ABTB1: variants seen among roughly 807,000 people sequenced by gnomAD.
The protein encoded by ABTB1 is ankyrin repeat and BTB domain containing 1, also known as ankyrin repeat and BTB/POZ domain-containing protein 1.
Under a neutral mutation model 57.1 loss-of-function variants are expected in ABTB1, and 45 were observed. That is an observed-to-expected ratio of 0.79 (90% CI 0.62 to 1.01). The LOEUF is 1.01. ABTB1 is among the 50% of genes least tolerant of loss of function. ABTB1 has a pLI of 0.00. For missense variants in ABTB1, 630 were observed against 666.3 expected (o/e 0.95, Z 0.60); for synonymous variants, 302 against 275.4 (o/e 1.10, Z -0.95).
chr3:127,677,293 G>A lies in ABTB1; in HGVS notation c.762+7G>A, dbSNP rs760598057. The A allele has an allele frequency of 6.3e-7, 1 of 1,589,032 alleles. No individual in the cohort carries two copies. The highest frequency in any genetic ancestry group is 8.6e-7 in the Non-Finnish European group (1 of 1,168,272). ...CCTGCCCCCCGAGCTCCGAGTAAGT[G>A]CGGGGCTGGTGGGCAGGAAGGGCGT... On this transcript the variant is annotated splice_region_variant and intron_variant, in intron 8 of 11. Transcript: ENST00000232744.
At position 127,673,069 on chromosome 3, in the gene ABTB1, T is replaced by C; in HGVS notation, c.44T>C (p.Val15Ala). Residue 15 changes from valine (V) to alanine (A), a missense_variant, in exon 1 of 12, where the codon GTG becomes GCG. Val to Ala is a moderately conservative substitution (Grantham distance 64). Coordinates refer to ENST00000232744, the MANE Select transcript of ABTB1 (RefSeq NM_172027.3). ...TTCGCCAGCTGCAGGAAGGGGGATG[T>C]GGGCCGAGTGCGGTGAGGACCTCGC... is the stretch of plus-strand genomic sequence containing the variant. ...DLFASCRKGD[V>A]GRVRYLLEQR... is the part of the protein sequence containing the mutation. The C allele has an allele frequency of 6.4e-7, 1 of 1,573,584 alleles. No individual in the cohort carries two copies. The highest frequency in any genetic ancestry group is 8.6e-7 in the Non-Finnish European group (1 of 1,159,988).
In ABTB1 at chr3:127,677,102, G is replaced by A; in HGVS notation, c.643+19G>A. The A allele has an allele frequency of 6.2e-7, 1 of 1,613,828 alleles. No individual in the cohort carries two copies. Among genetic ancestry groups the A allele is most frequent in the Non-Finnish European group, 8.5e-7 (1 of 1,179,858 alleles). On this transcript the variant is annotated intron_variant, in intron 7 of 11. Coordinates refer to ENST00000232744, the MANE Select transcript of ABTB1 (RefSeq NM_172027.3). ...GAGTTTGGTGCGAGCAGGGTTTGGG[G>A]CCCGGGGCCATGGGTGCGGCCTGGC...
rs1294015808 is a variant in ABTB1 at position 127,680,824 on chromosome 3, C to T, written c.*349C>T. 3.1e-6 allele frequency: 2 copies of T among 640,420 alleles called. No individual in the cohort carries two copies. The highest frequency in any genetic ancestry group is 5.6e-6 in the Non-Finnish European group (2 of 360,350). The allele number at this position is 640,420 out of a possible 1,614,324, so 39.7% of individuals were successfully genotyped here. ...CCAGTCCTCTGGCCCTTGCCTAGCC[C>T]TGAATTGCTTCTCTAAGCTGGTGTT... On this transcript the variant is annotated 3_prime_UTR_variant, in exon 12 of 12. Coordinates refer to ENST00000232744, the MANE Select transcript of ABTB1 (RefSeq NM_172027.3).
Position 127,677,821 on chromosome 3 carries a change from A to G in ABTB1, c.1007A>G (p.Tyr336Cys), listed in dbSNP as rs2075024406. Residue 336 changes from tyrosine (Y) to cysteine (C), a missense_variant, in exon 10 of 12, where the codon TAC (tyrosine) becomes TGC (cysteine). Coordinates refer to ENST00000232744, the MANE Select transcript of ABTB1 (RefSeq NM_172027.3). ...GACGTCTTCACTCACGTGCTCTACT[A>G]CATGTACAGCGACCACACTGAGGTG... ...SPDVFTHVLY[Y>C]MYSDHTELSP... The G allele has an allele frequency of 6.8e-6, 11 of 1,612,238 alleles. No individual in the cohort carries two copies. Among genetic ancestry groups the G allele is most frequent in the Admixed American group, 1.7e-5 (1 of 59,866 alleles).
rs1297219087 is a variant in ABTB1 at position 127,677,060 on chromosome 3, A to T, written c.620A>T (p.Lys207Met). 6.2e-7 allele frequency: 1 copy of T among 1,614,132 alleles called. No homozygotes were observed. The highest frequency in any genetic ancestry group is 8.5e-7 in the Non-Finnish European group (1 of 1,179,990). Residue 207 changes from lysine to methionine, a missense_variant, in exon 7 of 12, where the codon AAG becomes ATG. By Grantham distance (95) the Lys-to-Met change is moderately conservative (BLOSUM62 -1). This residue lies in a region of ABTB1 where 579 missense variants were observed against 585.9 expected (regional missense o/e 0.99). Transcript: ENST00000232744. ...LWDLLSDLEA[K>M]CEKVSEFVAS... ...GACCTGCTCAGCGACCTGGAGGCCA[A>T]GTGCGAGAAGGTGTCTGAGTTTGGT...
chr3:127,677,600 G>T, intron 9 of ABTB1, 37 bp downstream of exon 9: 1 of 1,613,346 alleles, frequency 6.2e-7, no homozygotes, highest in Non-Finnish European at 8.5e-7. Context: ...GCCCCAGCCC[G>T]TTGCCCTGAG....
intron 10 of ABTB1, chr3:127,679,607 G>A (rs1359549879): frequency 2.1e-6 from 1 of 477,178 alleles, no homozygotes. Context: ...TATACCTCAT[G>A]GACTGGGAAC....
rs931052912 is a variant in ABTB1 at position 127,673,042 on chromosome 3, T to A, written c.17T>A (p.Leu6Gln). 1 of 1,574,256 alleles carries A rather than the reference T, an allele frequency of 6.4e-7. No homozygotes were observed. The highest frequency in any genetic ancestry group is 8.6e-7 in the Non-Finnish European group (1 of 1,160,340). The stretch of plus-strand genomic sequence containing the variant: ...CTCCGCGCCATGGACACCAGCGACC[T>A]GTTCGCCAGCTGCAGGAAGGGGGAT... MDTSD[L>Q]FASCRKGDVG... is the part of the protein sequence containing the mutation. The change falls in exon 1 of 12, where the codon CTG (leucine) becomes CAG (glutamine). Residue 6 changes from leucine (L) to glutamine (Q), a missense_variant. Physicochemically the swap from Leu to Gln is moderately radical, Grantham distance 113. Transcript: ENST00000232744.
chr3:127,680,925 G>A lies in ABTB1; in HGVS notation c.*450G>A. 2.0e-6 allele frequency: 1 copy of A among 510,904 alleles called. No homozygotes were observed. The highest frequency in any genetic ancestry group is 3.2e-5 in the East Asian group (1 of 31,310). 31.6% of individuals were successfully genotyped at this position (510,904 alleles called of 1,614,324 possible). On this transcript the variant is annotated 3_prime_UTR_variant, in exon 12 of 12. Transcript: ENST00000232744. The stretch of plus-strand genomic sequence containing the variant: ...AAGCTTGAAGGCACCGTGGGAGCAT[G>A]AGCCTGTGTCCTGGGGTACAGCTTG...
rs2074993973 is a variant in ABTB1, at chr3:127,676,828, T to C, written c.527-139T>C. 1.1e-6 allele frequency: 1 copy of C among 933,694 alleles called. No individual in the cohort carries two copies. Among genetic ancestry groups the C allele is most frequent in the African/African-American group, 1.6e-5 (1 of 60,734 alleles). 57.8% of individuals were successfully genotyped at this position (933,694 alleles called of 1,614,324 possible). A position where few individuals can be genotyped will look rare whatever the true frequency, so the allele number is the denominator to read the frequency against. On this transcript the variant is annotated intron_variant, in intron 6 of 11. Transcript: ENST00000232744. The surrounding 1 kb of genome is among the most constrained non-coding windows in gnomAD (Gnocchi z 5.4). ...CTGGGGCCTGTAGAACAGCTTTTGA[T>C]GGGGAAACCATGGTGGCAAGTGGGC...
chr3:127,677,284 C>T lies in ABTB1; in HGVS notation c.760C>T (p.Arg254Ter). The change falls in exon 8 of 12, where the codon CGA becomes TGA. Residue 254 changes from arginine (R) to a stop codon, truncating the protein, a stop_gained and splice_region_variant. Transcript: ENST00000232744. LOFTEE classifies it high-confidence loss of function. ...LADCALPPEL[R>*]GDLWELPFPC... Reference sequence around the variant, plus strand: ...CGATTGTGCCCTGCCCCCCGAGCTCCGAGTAAGTGCGGGGCTGGTGGGCAG... The same window carrying T: ...CGATTGTGCCCTGCCCCCCGAGCTCTGAGTAAGTGCGGGGCTGGTGGGCAG... The T allele has an allele frequency of 2.5e-6, 4 of 1,589,818 alleles. No individual in the cohort carries two copies. The highest frequency in any genetic ancestry group is 2.3e-5 in the East Asian group (1 of 44,040).
rs2074991078 is a variant in ABTB1 at position 127,676,680 on chromosome 3, A to C, written c.526+99A>C. The C allele has an allele frequency of 7.4e-6, 11 of 1,479,260 alleles. No homozygotes were observed. Among genetic ancestry groups the C allele is most frequent in the East Asian group, 4.6e-5 (2 of 43,682 alleles). 91.6% of individuals were successfully genotyped at this position (1,479,260 alleles called of 1,614,324 possible). A position where few individuals can be genotyped will look rare whatever the true frequency, so the allele number is the denominator to read the frequency against. The stretch of plus-strand genomic sequence containing the variant: ...CTGGGCTGACCTTTCACCTCTAGAC[A>C]CTTCATGGTCCCCCCGGGGTGGTTC... On this transcript the variant is annotated intron_variant, in intron 6 of 11. Transcript: ENST00000232744. This position sits in a 1 kb window ranked among gnomAD's most constrained non-coding sequence, Gnocchi z 5.4.
At chr3:127,678,055 CTGTGT>C (rs1485679230) in intron 10 of ABTB1, 4 of 493,686 alleles carry the variant, frequency 8.1e-6, no homozygotes, top group Non-Finnish European at 3.5e-6. Flanking sequence ...AGTGATGAGC[CTGTGT>C]CACAGACACT....
chr3:127,680,248 G>T (rs770176226), intron 11 of ABTB1, 21 bp from the exon 12 acceptor site: 2 of 1,613,538 alleles, frequency 1.2e-6, no homozygotes, highest in South Asian at 2.2e-5. Context: ...CCTCCACTGA[G>T]CTGGCCCTTC....
chr3:127,680,570 T>C lies in ABTB1; in HGVS notation c.*95T>C, dbSNP rs1337975426. On this transcript the variant is annotated 3_prime_UTR_variant, in exon 12 of 12. Coordinates refer to ENST00000232744, the MANE Select transcript of ABTB1 (RefSeq NM_172027.3). ...AGCTCTTCTTCCTGCTCCCTGCACA[T>C]TGAGGGCTTCATGGGGGGTGCGAGG... is the stretch of plus-strand genomic sequence containing the variant. The C allele has an allele frequency of 6.8e-7, 1 of 1,468,590 alleles. No homozygotes were observed. The highest frequency in any genetic ancestry group is 9.4e-7 in the Non-Finnish European group (1 of 1,063,076). 91.0% of individuals were successfully genotyped at this position (1,468,590 alleles called of 1,614,324 possible).
chr3:127,677,326 T>C, intron 8 of ABTB1, 40 bp downstream of exon 8: 1 of 1,571,408 alleles, frequency 6.4e-7, no homozygotes, highest in Non-Finnish European at 8.7e-7. Flanking sequence ...CGTTTTGGGA[T>C]GGCAGGCCGT....
chr3:127,675,578 C>T (rs1454841176), intron 3 of ABTB1: 4 of 216,494 alleles, frequency 1.8e-5, no homozygotes, highest in Non-Finnish European at 2.9e-5. Context: ...CACGCCCAGG[C>T]TTGTTTTTCT....
At chr3:127,673,563 T>C (rs1404052056) in intron 1 of ABTB1, 1 of 152,812 alleles carries the variant, frequency 6.5e-6, no homozygotes. Context: ...AATCTGGCGC[T>C]GAGATGCCCC....
Position 127,676,690 on chromosome 3 carries a change from C to G in ABTB1, c.526+109C>G, listed in dbSNP as rs1345985350. Reference sequence around the variant, plus strand: ...CTTTCACCTCTAGACACTTCATGGTCCCCCCGGGGTGGTTCCAGCTGCCTC... The same window carrying G: ...CTTTCACCTCTAGACACTTCATGGTGCCCCCGGGGTGGTTCCAGCTGCCTC... On this transcript the variant is annotated intron_variant, in intron 6 of 11. Coordinates refer to ENST00000232744, the MANE Select transcript of ABTB1 (RefSeq NM_172027.3). The surrounding 1 kb of genome is among the most constrained non-coding windows in gnomAD (Gnocchi z 5.4). 7.0e-7 allele frequency: 1 copy of G among 1,428,020 alleles called. No homozygotes were observed. The highest frequency in any genetic ancestry group is 1.8e-5 in the Admixed American group (1 of 55,566). 88.5% of individuals were successfully genotyped at this position (1,428,020 alleles called of 1,614,324 possible).
Sources: gnomAD v4.1 joint callset for allele counts on GRCh38, gnomAD v4.1.1 for gene constraint, gnomAD v4.1.1 regional missense constraint, Gnocchi (gnomAD v3.1) non-coding constraint, MANE v1.5 for transcripts, NCBI Gene and HGNC (gene_info 2026-07-23, HGNC 2026-07-21) for gene names.